Variants in ST3GAL3 observed in about 807,000 individuals in gnomAD.
The protein encoded by ST3GAL3 is CMP-N-acetylneuraminate-beta-1,4-galactoside alpha-2,3-sialyltransferase.
ST3GAL3 carries 21 observed loss-of-function variants against 50.1 expected under a neutral mutation model. The observed-to-expected ratio is 0.42, with a 90% CI of 0.30 to 0.60. The LOEUF is 0.60. ST3GAL3 is among the 20% of genes least tolerant of loss of function. ST3GAL3 has a pLI of 0.19. For synonymous variants in ST3GAL3, 183 were observed against 190.0 expected (o/e 0.96, Z 0.30); for missense variants, 353 against 489.4 (o/e 0.72, Z 2.63).
intron 2 of ST3GAL3, among the ~76,000 whole-genome samples, chr1:43,745,478 T>C (rs1683222851): frequency 6.6e-6 from 1 of 152,206 alleles, no homozygotes; most frequent in South Asian, 2.1e-4. Flanking sequence ...TATTGTTAGC[T>C]CTAGAACAAC....
intron 9 of ST3GAL3, chr1:43,920,046 G>A: frequency 2.8e-6 from 1 of 360,018 alleles, no homozygotes; most frequent in South Asian, 2.4e-5. Context: ...AGCTGCTGCA[G>A]ATAGGGAGGC....
chr1:43,837,766 T>C (rs548549418), intron 4 of ST3GAL3, among the ~76,000 whole-genome samples: 1 of 151,934 alleles, frequency 6.6e-6, no homozygotes, highest in South Asian at 2.1e-4. Flanking sequence ...AACTCAGGAG[T>C]TTAAGACCTG....
chr1:43,921,506 C>A (rs2083036966), intron 11 of ST3GAL3: 3 of 400,632 alleles, frequency 7.5e-6, no homozygotes, highest in African/African-American at 6.2e-5. Flanking sequence ...CTGCTTTGAC[C>A]ACCAGCCTTC....
chr1:43,826,125 G>A (rs781143766), intron 4 of ST3GAL3, among the ~76,000 whole-genome samples: 40 of 151,720 alleles, frequency 2.6e-4, no homozygotes, highest in Admixed American at 1.5e-3. Context: ...AAAATTAGCC[G>A]GTTGTGCTGG....
At chr1:43,851,704 C>A in intron 5 of ST3GAL3, 1 of 1,294,596 alleles carries the variant, frequency 7.7e-7, no homozygotes, top group East Asian at 2.3e-5. Flanking sequence ...GGTCAGCATC[C>A]TTGTGGGCCC....
intron 5 of ST3GAL3, among the ~76,000 whole-genome samples, chr1:43,873,031 AAG>A (rs1260772224): frequency 6.6e-6 from 1 of 152,184 alleles, no homozygotes; most frequent in South Asian, 2.1e-4. Flanking sequence ...TGAAGTAAGA[AAG>A]AGAAATCTGA....
chr1:43,849,810 A>G (rs1260520983), intron 5 of ST3GAL3, among the ~76,000 whole-genome samples: 1 of 152,236 alleles, frequency 6.6e-6, no homozygotes, highest in East Asian at 1.9e-4. Flanking sequence ...TTTACAGCAC[A>G]CAGCAGAAGC....
intron 4 of ST3GAL3, among the ~76,000 whole-genome samples, chr1:43,833,878 C>T (rs1276919916): frequency 1.2e-4 from 19 of 152,148 alleles, no homozygotes; most frequent in Admixed American, 9.8e-4. Context: ...CTGGCCAAGG[C>T]GGGCTAAGGG....
rs149469221 is a variant in ST3GAL3, at chr1:43,708,756, TCTAA to T, written c.-31+1066_-31+1069del. Among the ~76,000 whole-genome samples the T allele has an allele frequency of 5.3e-5, 8 of 152,356 alleles. No homozygotes were observed. The East Asian group carries it at 5.8e-4, about 11-fold the overall frequency. On this transcript the variant is annotated intron_variant, in intron 1 of 11. Coordinates refer to ENST00000347631, the MANE Select transcript of ST3GAL3 (RefSeq NM_006279.5). The stretch of plus-strand genomic sequence containing the variant: ...GTGGTGAATCTCTCCATTTCGCGTG[TCTAA>T]CTGTCTAACCATGGTTTAATAAAAA...
chr1:43,776,172 C>G (rs1403554319), intron 2 of ST3GAL3, among the ~76,000 whole-genome samples: 3 of 152,148 alleles, frequency 2.0e-5, no homozygotes, highest in Non-Finnish European at 2.9e-5. Flanking sequence ...TTTCATTACC[C>G]CAAAAAGAAA....
At chr1:43,833,349 A>G (rs2154193585) in intron 4 of ST3GAL3, among the ~76,000 whole-genome samples, 1 of 152,292 alleles carries the variant, frequency 6.6e-6, no homozygotes, top group Non-Finnish European at 1.5e-5. Context: ...TATGAGAGAA[A>G]GATATTTAAA....
intron 5 of ST3GAL3, among the ~76,000 whole-genome samples, chr1:43,871,448 CATGTGAAGAAGAGGA>C (rs2072698534): frequency 1.0e-5 from 1 of 99,306 alleles, no homozygotes; most frequent in Non-Finnish European, 2.1e-5. Flanking sequence ...GAGAAGATGG[CATGTGAAGAAGAGGA>C]TGGGGTGTGA....
At chr1:43,779,354 G>A (rs1698577532) in intron 2 of ST3GAL3, among the ~76,000 whole-genome samples, 1 of 152,192 alleles carries the variant, frequency 6.6e-6, no homozygotes, top group Non-Finnish European at 1.5e-5. Context: ...TATAGGCTGT[G>A]TAATCTTGTG....
At chr1:43,906,033 T>C (rs1571166767) in intron 9 of ST3GAL3, among the ~76,000 whole-genome samples, 1 of 83,756 alleles carries the variant, frequency 1.2e-5, no homozygotes, top group Non-Finnish European at 2.3e-5. Flanking sequence ...TTCCCGCCAC[T>C]CTTCCTCCCC....
At chr1:43,829,193 A>G (rs897912566) in intron 4 of ST3GAL3, among the ~76,000 whole-genome samples, 2 of 151,780 alleles carry the variant, frequency 1.3e-5, no homozygotes, top group African/African-American at 4.8e-5. Context: ...CTTTGAAATC[A>G]GAAAGCTCTA....
chr1:43,927,534 G>A (rs1446661171), intron 11 of ST3GAL3, among the ~76,000 whole-genome samples: 2 of 152,184 alleles, frequency 1.3e-5, no homozygotes, highest in African/African-American at 4.8e-5. Context: ...TTCTCCAGAG[G>A]AGTGATGAGG....
intron 4 of ST3GAL3, among the ~76,000 whole-genome samples, chr1:43,827,617 C>T (rs976059742): frequency 2.6e-5 from 4 of 152,170 alleles, no homozygotes; most frequent in Non-Finnish European, 4.4e-5. Context: ...ATCCTCCTAC[C>T]TCAGCCTCTC....
intron 2 of ST3GAL3, among the ~76,000 whole-genome samples, chr1:43,773,362 C>T (rs563380211): frequency 6.6e-5 from 10 of 152,276 alleles, no homozygotes; most frequent in South Asian, 4.1e-4. Flanking sequence ...TTACTACATG[C>T]TCTGGTCCCA....
chr1:43,826,636 A>G (rs1259447569), intron 4 of ST3GAL3, among the ~76,000 whole-genome samples: 1 of 152,228 alleles, frequency 6.6e-6, no homozygotes, highest in Non-Finnish European at 1.5e-5. Context: ...TAAAGATATT[A>G]TAAGAAAGGA....
Sources: gnomAD v4.1 joint callset for allele counts (sites outside exome capture counted in the v4.1 genomes callset) on GRCh38, gnomAD v4.1.1 for gene constraint, MANE v1.5 for transcripts, NCBI Gene and HGNC (gene_info 2026-07-23, HGNC 2026-07-21) for gene names.